The following ANKS1A variants were observed in gnomAD, a reference collection of about 807,000 sequenced individuals.
ANKS1A encodes ankyrin repeat and SAM domain-containing protein 1A.
Under a neutral mutation model 120.3 loss-of-function variants are expected in ANKS1A, and 55 were observed. The ratio of observed to expected loss-of-function variants is 0.46; its 90% CI spans 0.37 to 0.57. ANKS1A has a LOEUF of 0.57. ANKS1A is among the 20% of genes least tolerant of loss of function. The probability of loss-of-function intolerance (pLI) is 0.00; values close to 1 mark genes in which losing one functional copy is unlikely to be tolerated. For missense variants in ANKS1A, 1,123 were observed against 1,480.3 expected, an observed-to-expected ratio of 0.76 and a Z score of 3.96; for synonymous variants, 590 against 604.7, an observed-to-expected ratio of 0.98 and a Z score of 0.36.
chr6:35,085,921 C>A lies in ANKS1A; in HGVS notation c.3288C>A (p.Gly1096=). ...SSKPVPKPRV[G]VRKSALEPPD... is the part of the protein sequence containing the mutation. Reference sequence around the variant, plus strand: ...AACCGGTGCCTAAGCCTCGGGTCGGCGTGAGGAAATCCGCAGTACGTGGGC... The same window carrying A: ...AACCGGTGCCTAAGCCTCGGGTCGGAGTGAGGAAATCCGCAGTACGTGGGC... The change falls in exon 22 of 24, where the codon GGC becomes GGA. Residue 1096 remains glycine (G), a synonymous_variant. Coordinates refer to ENST00000360359, the MANE Select transcript of ANKS1A (RefSeq NM_015245.3). This position sits in a 1 kb window ranked among gnomAD's most constrained non-coding sequence, Gnocchi z 4.7. 2 of 1,607,730 alleles carry A rather than the reference C, an allele frequency of 1.2e-6. No individual in the cohort carries two copies. The highest frequency in any genetic ancestry group is 1.1e-5 in the South Asian group (1 of 90,360).
At chr6:34,997,374 T>C (rs1772911388) in intron 10 of ANKS1A, among the ~76,000 whole-genome samples, 1 of 151,942 alleles carries the variant, frequency 6.6e-6, no homozygotes, top group Non-Finnish European at 1.5e-5. Flanking sequence ...TTATTGATTT[T>C]TAGTAGAGAT....
In ANKS1A at chr6:35,084,016, C is replaced by G. The variant is rs554402479; in HGVS notation, c.2995-105C>G. On this transcript the variant is annotated intron_variant, in intron 20 of 23. Coordinates refer to ENST00000360359, the MANE Select transcript of ANKS1A (RefSeq NM_015245.3). The surrounding 1 kb of genome is among the most constrained non-coding windows in gnomAD (Gnocchi z 4.8). The stretch of plus-strand genomic sequence containing the variant: ...AAGATGAAGGGGGGTTTGCTTGATG[C>G]TCTAGGCTGGGACAGAGAACAGTGA... 3 of 1,522,696 alleles carry G rather than the reference C, an allele frequency of 2.0e-6. 1 individual carries two copies. Among genetic ancestry groups the G allele is most frequent in the South Asian group, 2.5e-5 (2 of 80,378 alleles). 94.3% of individuals were successfully genotyped at this position (1,522,696 alleles called of 1,614,324 possible). A position where few individuals can be genotyped will look rare whatever the true frequency, so the allele number is the denominator to read the frequency against.
chr6:35,070,924 A>G (rs1346563150), intron 13 of ANKS1A: 20 of 657,936 alleles, frequency 3.0e-5, no homozygotes, highest in Non-Finnish European at 4.9e-5. Context: ...ACTCCTTGCC[A>G]TAGTCCTTAA....
intron 1 of ANKS1A, among the ~76,000 whole-genome samples, chr6:34,939,286 C>T (rs909833412): frequency 1.3e-5 from 2 of 152,144 alleles, no homozygotes; most frequent in African/African-American, 4.8e-5. Context: ...CTCCTGTGGA[C>T]AGGGCAATGG....
intron 3 of ANKS1A, among the ~76,000 whole-genome samples, chr6:34,976,009 A>G (rs940563114): frequency 1.9e-4 from 29 of 151,470 alleles, no homozygotes; most frequent in African/African-American, 6.5e-4. Flanking sequence ...GTGCTGGTGC[A>G]TGCCTGTAAT....
intron 11 of ANKS1A, chr6:35,038,310 A>G (rs1697545223): frequency 4.4e-6 from 2 of 456,512 alleles, no homozygotes; most frequent in South Asian, 3.1e-5. Flanking sequence ...AAGATGGGGA[A>G]ACTGGAACTT....
At chr6:34,954,152 C>T (rs574145239) in intron 1 of ANKS1A, among the ~76,000 whole-genome samples, 8 of 152,266 alleles carry the variant, frequency 5.3e-5, no homozygotes, top group East Asian at 1.9e-4. Context: ...CTGTCCTGTC[C>T]GTGTTCATAT....
rs1427559296 is a variant in ANKS1A, at chr6:35,086,295, G to A, written c.3303+359G>A. The stretch of plus-strand genomic sequence containing the variant: ...GTGCCGCTGCCCCCCGATAGTCGCT[G>A]TTGTTACTGTCACACCTGCACCACC... On this transcript the variant is annotated intron_variant, in intron 22 of 23. Transcript: ENST00000360359. This position sits in a 1 kb window ranked among gnomAD's most constrained non-coding sequence, Gnocchi z 5.1. The A allele has an allele frequency of 1.5e-6, 2 of 1,315,004 alleles. No individual in the cohort carries two copies. The highest frequency in any genetic ancestry group is 1.2e-5 in the South Asian group (1 of 81,210). The allele number at this position is 1,315,004 out of a possible 1,614,324, so 81.5% of individuals were successfully genotyped here. A position where few individuals can be genotyped will look rare whatever the true frequency, so the allele number is the denominator to read the frequency against.
At chr6:35,092,040 G>A (rs1270479128), downstream of ANKS1A, among the ~76,000 whole-genome samples, 1 of 152,184 alleles carries the variant, frequency 6.6e-6, no homozygotes, top group Non-Finnish European at 1.5e-5. Context: ...CTTCACTGAT[G>A]GAGCACCTGT....
At chr6:35,077,941 AGGTGGG>A (rs1777454631) in intron 13 of ANKS1A, among the ~76,000 whole-genome samples, 2 of 152,204 alleles carry the variant, frequency 1.3e-5, no homozygotes, top group African/African-American at 4.8e-5. Flanking sequence ...TTAGCGCTGC[AGGTGGG>A]CGCTCCGTGT....
chr6:35,021,361 C>T (rs1439747269), intron 11 of ANKS1A, among the ~76,000 whole-genome samples: 2 of 152,140 alleles, frequency 1.3e-5, no homozygotes, highest in Non-Finnish European at 2.9e-5. Flanking sequence ...CGGGTGGGAG[C>T]CCCTCAGGCT....
intron 13 of ANKS1A, among the ~76,000 whole-genome samples, chr6:35,065,941 G>A (rs1462594181): frequency 5.3e-5 from 8 of 152,188 alleles, no homozygotes; most frequent in Non-Finnish European, 1.2e-4. Context: ...TGCTCTCTAT[G>A]AAGCTCCGGG....
chr6:34,976,991 T>C (rs1771633618), intron 3 of ANKS1A, among the ~76,000 whole-genome samples: 1 of 152,194 alleles, frequency 6.6e-6, no homozygotes, highest in South Asian at 2.1e-4. Flanking sequence ...ACAATACCAT[T>C]ATCTAATATA....
rs546722703 is a variant in ANKS1A at position 35,071,031 on chromosome 6, CCTTA to C, written c.2185-7522_2185-7519del. The C allele has an allele frequency of 3.8e-4, 183 of 484,458 alleles. 2 individuals carry two copies. The highest frequency in any genetic ancestry group is 2.0e-3 in the Middle Eastern group (3 of 1,474). The allele number at this position is 484,458 out of a possible 1,614,324, so 30.0% of individuals were successfully genotyped here. A position where few individuals can be genotyped will look rare whatever the true frequency, so the allele number is the denominator to read the frequency against. On this transcript the variant is annotated intron_variant, in intron 13 of 23. Transcript: ENST00000360359. The stretch of plus-strand genomic sequence containing the variant: ...TCCCCTAGTTTCTTGTTGTCATCAA[CCTTA>C]CTTAGGTTGATTTGCCAGACACCTC...
At position 35,013,164 on chromosome 6, in the gene ANKS1A, G is replaced by T. The variant is rs542546571; in HGVS notation, c.1424-4309G>T. 3.3e-5 allele frequency among the ~76,000 whole-genome samples: 5 copies of T among 152,286 alleles called. No homozygotes were observed. In the South Asian group the frequency reaches 1.0e-3, roughly 32 times the overall value. ...GGTCTTATTTCTCCTTCAGTGCTCA[G>T]CTCGAAAGCTACCTCTTCTGAGAAG... On this transcript the variant is annotated intron_variant, in intron 10 of 23. Coordinates refer to ENST00000360359, the MANE Select transcript of ANKS1A (RefSeq NM_015245.3).
intron 12 of ANKS1A, among the ~76,000 whole-genome samples, chr6:35,055,764 A>G (rs561650605): frequency 4.6e-5 from 7 of 152,290 alleles, no homozygotes; most frequent in South Asian, 2.1e-4. Flanking sequence ...TCCAGCAGCA[A>G]TGTTTCCCTG....
chr6:34,921,922 C>T (rs1019412722), intron 1 of ANKS1A, among the ~76,000 whole-genome samples: 4 of 152,138 alleles, frequency 2.6e-5, no homozygotes, highest in African/African-American at 7.2e-5. Flanking sequence ...TCTTGAACTC[C>T]TGGCCTCAAG....
At chr6:34,978,236 A>C (rs1771707797) in intron 3 of ANKS1A, among the ~76,000 whole-genome samples, 1 of 152,162 alleles carries the variant, frequency 6.6e-6, no homozygotes, top group South Asian at 2.1e-4. Flanking sequence ...AATTACAGGC[A>C]TAAGCCACCG....
At chr6:34,948,871 G>C (rs1382322288) in intron 1 of ANKS1A, among the ~76,000 whole-genome samples, 1 of 152,196 alleles carries the variant, frequency 6.6e-6, no homozygotes, top group East Asian at 1.9e-4. Flanking sequence ...GATCAGAGAA[G>C]AGCTGAGGAC....
Sources: allele counts gnomAD v4.1 joint callset (sites outside exome capture counted in the v4.1 genomes callset), GRCh38; gene constraint gnomAD v4.1.1; non-coding constraint Gnocchi (gnomAD v3.1); transcripts MANE v1.5; gene names NCBI Gene and HGNC (gene_info 2026-07-23, HGNC 2026-07-21).